ZSWIM2: variants seen among roughly 807,000 people sequenced by gnomAD.
The protein encoded by ZSWIM2 is zinc finger SWIM-type containing 2.
ZSWIM2 carries 38 observed loss-of-function variants against 48.4 expected under a neutral mutation model. That is an observed-to-expected ratio of 0.79 (90% CI 0.61 to 1.03). The LOEUF (loss-of-function observed/expected upper bound fraction) is 1.03, where lower values mean the gene tolerates loss of function less well. Among genes scored for constraint, ZSWIM2 ranks in the 50% least tolerant of loss-of-function variants. ZSWIM2 has a pLI of 0.00. For synonymous variants in ZSWIM2, 240 were observed against 251.3 expected, an observed-to-expected ratio of 0.96 and a Z score of 0.42; for missense variants, 776 against 730.2, an observed-to-expected ratio of 1.06 and a Z score of -0.72.
Position 186,827,485 on chromosome 2 carries a change from A to C in ZSWIM2, c.*499T>G, listed in dbSNP as rs1352098350. On this transcript the variant is annotated 3_prime_UTR_variant, in exon 9 of 9. Transcript: ENST00000295131. ...ACATTAAGACCATTATAAATGTGAC[A>C]TAGCTGATAGTATTTCATTTTATTT... Among the ~76,000 whole-genome samples the C allele has an allele frequency of 6.6e-6, 1 of 151,984 alleles. No individual in the cohort carries two copies. The highest frequency in any genetic ancestry group is 1.5e-5 in the Non-Finnish European group (1 of 67,932).
chr2:186,844,666 A>G, intron 3 of ZSWIM2, 51 bp downstream of exon 3: 1 of 1,489,754 alleles, frequency 6.7e-7, no homozygotes, highest in Non-Finnish European at 9.0e-7. Context: ...TGTTAACTTC[A>G]AAGTAGTAAA....
intron 7 of ZSWIM2, among the ~76,000 whole-genome samples, chr2:186,831,885 G>C (rs926208884): frequency 6.6e-6 from 1 of 151,936 alleles, no homozygotes; most frequent in African/African-American, 2.4e-5. Context: ...TGGGGTGGGG[G>C]AGGGGGAAGG....
chr2:186,829,685 G>A (rs762830538), intron 8 of ZSWIM2, 42 bp downstream of exon 8: 2 of 1,586,058 alleles, frequency 1.3e-6, no homozygotes, highest in South Asian at 2.3e-5. Context: ...TGTGAAAACT[G>A]ACCCTACAGG....
At chr2:186,830,453 C>T (rs1458970662) in intron 7 of ZSWIM2, among the ~76,000 whole-genome samples, 3 of 152,046 alleles carry the variant, frequency 2.0e-5, no homozygotes, top group Admixed American at 6.6e-5. Context: ...GTTTGAGTCG[C>T]ACTTTAATGT....
At chr2:186,837,580 C>T in intron 4 of ZSWIM2, 26 bp from the exon 5 acceptor site, 1 of 1,583,234 alleles carries the variant, frequency 6.3e-7, no homozygotes, top group Admixed American at 1.7e-5. Context: ...TTGAAGTTTA[C>T]CATTTGTATA....
intron 5 of ZSWIM2, among the ~76,000 whole-genome samples, chr2:186,834,789 T>C (rs761159907): frequency 2.6e-5 from 4 of 152,170 alleles, no homozygotes; most frequent in Non-Finnish European, 5.9e-5. Flanking sequence ...TCTGACTTTC[T>C]TGCCTCCCTC....
At chr2:186,833,263 C>A in intron 6 of ZSWIM2, 31 bp from the exon 7 acceptor site, 3 of 1,111,664 alleles carry the variant, frequency 2.7e-6, no homozygotes, top group Non-Finnish European at 3.9e-6. Flanking sequence ...TGTTACTTTG[C>A]AAAGTCGTGG....
At chr2:186,843,212 T>C (rs918200638) in intron 3 of ZSWIM2, among the ~76,000 whole-genome samples, 1 of 151,532 alleles carries the variant, frequency 6.6e-6, no homozygotes, top group South Asian at 2.1e-4. Flanking sequence ...GGAAGAATAG[T>C]GTAGAGAATA....
Position 186,829,887 on chromosome 2 carries a change from G to T in ZSWIM2, c.942-7C>A. The T allele has an allele frequency of 6.2e-7, 1 of 1,613,224 alleles. No homozygotes were observed. Among genetic ancestry groups the T allele is most frequent in the South Asian group, 1.1e-5 (1 of 91,004 alleles). Reference sequence around the variant, plus strand: ...TTTTGGTGTGTAAACTTGGCTGAATGAGAATAAGCAGAGACATGAGTGTTT... The same window carrying T: ...TTTTGGTGTGTAAACTTGGCTGAATTAGAATAAGCAGAGACATGAGTGTTT... On this transcript the variant is annotated splice_polypyrimidine_tract_variant and splice_region_variant and intron_variant, in intron 7 of 8. Coordinates refer to ENST00000295131, the MANE Select transcript of ZSWIM2 (RefSeq NM_182521.3).
At chr2:186,832,513 A>G (rs1178406148) in intron 7 of ZSWIM2, among the ~76,000 whole-genome samples, 1 of 152,102 alleles carries the variant, frequency 6.6e-6, no homozygotes, top group East Asian at 1.9e-4. Context: ...AATATAACCA[A>G]TCTGCTAGGC....
chr2:186,848,680 T>G, intron 1 of ZSWIM2: 1 of 328,500 alleles, frequency 3.0e-6, no homozygotes, highest in Non-Finnish European at 5.8e-6. Context: ...AACCAGGTAT[T>G]CATACGCCTC....
intron 2 of ZSWIM2, among the ~76,000 whole-genome samples, chr2:186,846,476 AAAC>A (rs1692004517): frequency 6.6e-6 from 1 of 151,962 alleles, no homozygotes. Context: ...AAAGGTCAAA[AAAC>A]AACAAATGTC....
rs369425586 is a variant in ZSWIM2 at position 186,849,156 on chromosome 2, T to A, written c.-26A>T. 317 of 1,585,174 alleles carry A rather than the reference T, an allele frequency of 2.0e-4. No individual in the cohort carries two copies. Among genetic ancestry groups the A allele is most frequent in the Non-Finnish European group, 2.2e-4 (253 of 1,162,398 alleles). On this transcript the variant is annotated 5_prime_UTR_variant, in exon 1 of 9. Transcript: ENST00000295131. ...GCTGGGTGCGGGCGGAGGCGGCCCC[T>A]CTGCTCGGCTCACTGAGGCGCCAGC...
chr2:186,835,278 G>T (rs1691773900), intron 5 of ZSWIM2, among the ~76,000 whole-genome samples: 1 of 152,064 alleles, frequency 6.6e-6, no homozygotes, highest in African/African-American at 2.4e-5. Flanking sequence ...AGGTTATATT[G>T]TTTATAAAAA....
At chr2:186,840,262 T>C (rs1041486713) in intron 3 of ZSWIM2, among the ~76,000 whole-genome samples, 1 of 151,534 alleles carries the variant, frequency 6.6e-6, no homozygotes, top group Non-Finnish European at 1.5e-5. Flanking sequence ...AATATTGTGC[T>C]TTGGGGAATA....
intron 7 of ZSWIM2, among the ~76,000 whole-genome samples, chr2:186,830,823 A>G (rs543258827): frequency 6.6e-6 from 1 of 152,248 alleles, no homozygotes; most frequent in African/African-American, 2.4e-5. Context: ...AGAACAACAA[A>G]TCTTTAAGAG....
In ZSWIM2 at chr2:186,827,501, C is replaced by A. The variant is rs1691618106; in HGVS notation, c.*483G>T. On this transcript the variant is annotated 3_prime_UTR_variant, in exon 9 of 9. Transcript: ENST00000295131. ...AAATGTGACATAGCTGATAGTATTT[C>A]ATTTTATTTTCATTTTATGTATAAG... 6.6e-6 allele frequency among the ~76,000 whole-genome samples: 1 copy of A among 151,440 alleles called. No individual in the cohort carries two copies. The highest frequency in any genetic ancestry group is 1.5e-5 in the Non-Finnish European group (1 of 67,790).
intron 3 of ZSWIM2, among the ~76,000 whole-genome samples, chr2:186,840,426 T>C (rs971063617): frequency 1.6e-4 from 24 of 151,442 alleles, no homozygotes; most frequent in African/African-American, 4.6e-4. Context: ...TATAAGACTA[T>C]GCAGGAATAT....
intron 3 of ZSWIM2, among the ~76,000 whole-genome samples, chr2:186,840,047 C>A (rs1691876486): frequency 6.3e-3 from 1 of 158 alleles, no homozygotes; most frequent in Admixed American, 0.12. Context: ...CTGGAAAGAC[C>A]CCCCCCAACT....
Sources: allele counts gnomAD v4.1 joint callset (sites outside exome capture counted in the v4.1 genomes callset), GRCh38; gene constraint gnomAD v4.1.1; transcripts MANE v1.5; gene names NCBI Gene and HGNC (gene_info 2026-07-23, HGNC 2026-07-21).